The following PARD3B variants were observed in gnomAD, a reference collection of about 807,000 sequenced individuals.
PARD3B encodes the protein partitioning defective 3 homolog B.
Under a neutral mutation model 130.2 loss-of-function variants are expected in PARD3B, and 103 were observed. The ratio of observed to expected loss-of-function variants is 0.79; its 90% CI spans 0.67 to 0.93. PARD3B has a LOEUF of 0.93. Among genes scored for constraint, PARD3B ranks in the 40% least tolerant of loss-of-function variants. The probability of loss-of-function intolerance (pLI) is 0.00; values close to 1 mark genes in which losing one functional copy is unlikely to be tolerated. For missense variants in PARD3B, 1,609 were observed against 1,499.2 expected (o/e 1.07, Z -1.21); for synonymous variants, 583 against 553.2 (o/e 1.05, Z -0.76).
At chr2:205,451,091 T>C (rs773053758) in intron 20 of PARD3B, among the ~76,000 whole-genome samples, 1 of 152,186 alleles carries the variant, frequency 6.6e-6, no homozygotes, top group Non-Finnish European at 1.5e-5. Context: ...TACACATGTG[T>C]CTCGCCCATT....
intron 6 of PARD3B, among the ~76,000 whole-genome samples, chr2:205,118,002 C>T (rs1317580121): frequency 1.3e-5 from 2 of 151,216 alleles, no homozygotes; most frequent in Non-Finnish European, 2.9e-5. Flanking sequence ...CTCTTCCAAC[C>T]CTCCTGATTC....
intron 3 of PARD3B, among the ~76,000 whole-genome samples, chr2:204,995,051 C>G (rs1359964262): frequency 6.6e-6 from 1 of 151,326 alleles, no homozygotes; most frequent in African/African-American, 2.4e-5. Flanking sequence ...CAGTCTGTGT[C>G]TTTTAATTGG....
chr2:204,556,234 G>A (rs2030914096), intron 1 of PARD3B, among the ~76,000 whole-genome samples: 1 of 152,142 alleles, frequency 6.6e-6, no homozygotes. Flanking sequence ...TGATTGTGTA[G>A]GTCAGGAATT....
At chr2:205,384,761 T>G (rs2045601709) in intron 18 of PARD3B, among the ~76,000 whole-genome samples, 1 of 152,112 alleles carries the variant, frequency 6.6e-6, no homozygotes, top group Non-Finnish European at 1.5e-5. Context: ...TAGAAATGTA[T>G]ACACATTTCC....
At chr2:205,310,825 G>C (rs2042360646) in intron 18 of PARD3B, among the ~76,000 whole-genome samples, 1 of 139,392 alleles carries the variant, frequency 7.2e-6, no homozygotes, top group Admixed American at 7.9e-5. Context: ...CCGGGTTCAA[G>C]TGATTCTCCT....
At position 205,011,241 on chromosome 2, in the gene PARD3B, G is replaced by T. The variant is rs565297317; in HGVS notation, c.395-36340G>T. On this transcript the variant is annotated intron_variant, in intron 3 of 22. Coordinates refer to ENST00000406610, the MANE Select transcript of PARD3B (RefSeq NM_001302769.2). This position sits in a 1 kb window ranked among gnomAD's most constrained non-coding sequence, Gnocchi z 4.1. ...CAGATGATTACTGTCAGGAATGCAG[G>T]CATGGCTTAGCTTGGTGATTCTGGC... Among the ~76,000 whole-genome samples, 4 of 152,296 alleles carry T rather than the reference G, an allele frequency of 2.6e-5. No homozygotes were observed. The South Asian group carries it at 8.3e-4, about 32-fold the overall frequency.
Position 205,300,485 on chromosome 2 carries a change from C to G in PARD3B, c.2186-45C>G, listed in dbSNP as rs904946641. ...CTTAGAACAATAGCATTACACCACA[C>G]TGCCCCATTAGAAGAGGGGTGACCT... On this transcript the variant is annotated intron_variant, in intron 16 of 22. Transcript: ENST00000406610. This position sits in a 1 kb window ranked among gnomAD's most constrained non-coding sequence, Gnocchi z 4.1. 2.7e-6 allele frequency: 4 copies of G among 1,485,058 alleles called. No homozygotes were observed. Among genetic ancestry groups the G allele is most frequent in the Non-Finnish European group, 3.8e-6 (4 of 1,064,724 alleles). 92.0% of individuals were successfully genotyped at this position (1,485,058 alleles called of 1,614,324 possible).
chr2:204,575,406 G>A (rs537227090), intron 1 of PARD3B, among the ~76,000 whole-genome samples: 2 of 152,274 alleles, frequency 1.3e-5, no homozygotes, highest in East Asian at 3.9e-4. Context: ...TATTTAAATA[G>A]TTCAGAAAAT....
At chr2:204,922,682 GTT>G (rs35206495) in intron 2 of PARD3B, among the ~76,000 whole-genome samples, 290 of 148,774 alleles carry the variant, frequency 1.9e-3, no homozygotes, top group African/African-American at 6.5e-3. Flanking sequence ...AAAAAATACA[GTT>G]TTTTTTTTTC....
intron 18 of PARD3B, among the ~76,000 whole-genome samples, chr2:205,317,940 T>C (rs1453617578): frequency 6.6e-6 from 1 of 152,058 alleles, no homozygotes; most frequent in Non-Finnish European, 1.5e-5. Context: ...TAGAAATGTC[T>C]CAGCAGAGAA....
At chr2:205,529,788 C>T (rs1162270502) in intron 21 of PARD3B, among the ~76,000 whole-genome samples, 2 of 152,054 alleles carry the variant, frequency 1.3e-5, no homozygotes, top group Non-Finnish European at 2.9e-5. Context: ...AGCTGATCTA[C>T]GAGGGTTTTC....
At position 205,267,761 on chromosome 2, in the gene PARD3B, TA is replaced by T. The variant is rs570732040; in HGVS notation, c.2185+21942del. Among the ~76,000 whole-genome samples the T allele has an allele frequency of 1.9e-3, 293 of 152,252 alleles. 4 individuals carry two copies. Among genetic ancestry groups the T allele is most frequent in the Non-Finnish European group, 5.9e-4 (40 of 68,010 alleles). ...GGCAGATAGAGGGGTGAAGATAGAA[TA>T]AATACATTCAACAAATAGTAATAGT... On this transcript the variant is annotated intron_variant, in intron 16 of 22. Coordinates refer to ENST00000406610, the MANE Select transcript of PARD3B (RefSeq NM_001302769.2).
rs533306912 is a variant in PARD3B at position 205,457,893 on chromosome 2, A to G, written c.3044+17221A>G. 2.5e-3 allele frequency among the ~76,000 whole-genome samples: 385 copies of G among 152,294 alleles called. 1 individual carries two copies. Among genetic ancestry groups the G allele is most frequent in the African/African-American group, 8.6e-3 (358 of 41,576 alleles). ...GACATTATGTTCAAATGAAATGCTC[A>G]TTGGAGCACTTTGGATTTTGGATTT... On this transcript the variant is annotated intron_variant, in intron 20 of 22. Coordinates refer to ENST00000406610, the MANE Select transcript of PARD3B (RefSeq NM_001302769.2).
chr2:205,353,067 G>T (rs976274482), intron 18 of PARD3B, among the ~76,000 whole-genome samples: 9 of 152,132 alleles, frequency 5.9e-5, no homozygotes, highest in African/African-American at 2.2e-4. Context: ...CATCCTTTGG[G>T]AATTTATCTA....
Position 205,322,889 on chromosome 2 carries a change from C to CTTTTTTTTTTTTTTTTTTTT in PARD3B, c.2630+21211_2630+21230dup, listed in dbSNP as rs71032461. ...TGTTGTTATATCATTATTAACACCT[C>CTTTTTTTTTTTTTTTTTTTT]TTTTTTTTTTTTTTTTTTTTTTTTT... On this transcript the variant is annotated intron_variant, in intron 18 of 22. Coordinates refer to ENST00000406610, the MANE Select transcript of PARD3B (RefSeq NM_001302769.2). 9.7e-5 allele frequency among the ~76,000 whole-genome samples: 5 copies of CTTTTTTTTTTTTTTTTTTTT among 51,468 alleles called. 1 individual carries two copies. Among genetic ancestry groups the CTTTTTTTTTTTTTTTTTTTT allele is most frequent in the Non-Finnish European group, 1.9e-4 (5 of 26,334 alleles). The allele number at this position is 51,468 out of a possible 152,430, so 33.8% of individuals were successfully genotyped here.
chr2:204,699,006 T>G (rs372433257), intron 2 of PARD3B, among the ~76,000 whole-genome samples: 31 of 152,242 alleles, frequency 2.0e-4, no homozygotes, highest in African/African-American at 7.2e-4. Context: ...TTTTAAGTTA[T>G]TATCCAATGG....
chr2:205,043,181 A>C (rs1254545945), intron 3 of PARD3B, among the ~76,000 whole-genome samples: 1 of 152,136 alleles, frequency 6.6e-6, no homozygotes, highest in Non-Finnish European at 1.5e-5. Flanking sequence ...TTTTAGTGCA[A>C]GGTTAGATTT....
At chr2:204,749,816 C>T (rs751015823) in intron 2 of PARD3B, among the ~76,000 whole-genome samples, 1 of 152,086 alleles carries the variant, frequency 6.6e-6, no homozygotes, top group African/African-American at 2.4e-5. Flanking sequence ...TAATTTGTGT[C>T]CAGCTGATCG....
rs551099567 is a variant in PARD3B, at chr2:205,440,258, G to T, written c.2742-112G>T. On this transcript the variant is annotated intron_variant, in intron 19 of 22. Coordinates refer to ENST00000406610, the MANE Select transcript of PARD3B (RefSeq NM_001302769.2). The surrounding 1 kb of genome is among the most constrained non-coding windows in gnomAD (Gnocchi z 4.2). ...GCATGCTGTGATCTTGAGTAAACAGGAGAATGACAGCTAAGAGACGAGGAA... is the reference window on the plus strand; with the variant it reads ...GCATGCTGTGATCTTGAGTAAACAGTAGAATGACAGCTAAGAGACGAGGAA... The T allele has an allele frequency of 2.8e-6, 3 of 1,062,254 alleles. No homozygotes were observed. Among genetic ancestry groups the T allele is most frequent in the Non-Finnish European group, 4.1e-6 (3 of 732,644 alleles). 65.8% of individuals were successfully genotyped at this position (1,062,254 alleles called of 1,614,324 possible). A position where few individuals can be genotyped will look rare whatever the true frequency, so the allele number is the denominator to read the frequency against.
Sources: allele counts gnomAD v4.1 joint callset (sites outside exome capture counted in the v4.1 genomes callset), GRCh38; gene constraint gnomAD v4.1.1; non-coding constraint Gnocchi (gnomAD v3.1); transcripts MANE v1.5; gene names NCBI Gene and HGNC (gene_info 2026-07-23, HGNC 2026-07-21).